The following MGAT4C variants were observed in gnomAD, a reference collection of about 807,000 sequenced individuals.
MGAT4C encodes the protein MGAT4 family member C.
Under a neutral mutation model 40.1 loss-of-function variants are expected in MGAT4C, and 19 were observed. The observed-to-expected ratio is 0.47, with a 90% CI of 0.33 to 0.70. The LOEUF is 0.70. MGAT4C is among the 30% of genes least tolerant of loss of function. MGAT4C has a pLI of 0.02. For missense variants in MGAT4C, 491 were observed against 563.2 expected, an observed-to-expected ratio of 0.87 and a Z score of 1.30; for synonymous variants, 181 against 187.1, an observed-to-expected ratio of 0.97 and a Z score of 0.27.
At chr12:85,989,607 T>G in intron 2 of MGAT4C, 55 bp from the exon 3 acceptor site, 1 of 1,467,874 alleles carries the variant, frequency 6.8e-7, no homozygotes, top group Non-Finnish European at 9.2e-7. Flanking sequence ...CAAATATTTC[T>G]TTATCGCATA....
At chr12:86,509,439 T>C (rs1958532855) in intron 2 of MGAT4C, among the ~76,000 whole-genome samples, 1 of 152,214 alleles carries the variant, frequency 6.6e-6, no homozygotes, top group African/African-American at 2.4e-5. Context: ...TTGGTACCAG[T>C]ACCATGCTGT....
chr12:86,128,399 C>T (rs985887307), intron 1 of MGAT4C, among the ~76,000 whole-genome samples: 5 of 152,136 alleles, frequency 3.3e-5, no homozygotes, highest in African/African-American at 1.2e-4. Context: ...ATAAATCACA[C>T]GAGATCTGAT....
chr12:86,436,857 G>C (rs550213843), intron 2 of MGAT4C, among the ~76,000 whole-genome samples: 1 of 151,776 alleles, frequency 6.6e-6, no homozygotes, highest in South Asian at 2.1e-4. Context: ...TGCAAATACA[G>C]TTCAAAAAGA....
At chr12:86,580,677 A>C (rs1320499989) in intron 2 of MGAT4C, among the ~76,000 whole-genome samples, 1 of 151,446 alleles carries the variant, frequency 6.6e-6, no homozygotes, top group Non-Finnish European at 1.5e-5. Flanking sequence ...GCATCTTTTA[A>C]TGTAAAATGT....
intron 1 of MGAT4C, among the ~76,000 whole-genome samples, chr12:86,825,649 T>G (rs1297917994): frequency 4.0e-5 from 6 of 151,428 alleles, no homozygotes; most frequent in Non-Finnish European, 7.4e-5. Flanking sequence ...ATATTTAATT[T>G]TACTTATCTA....
chr12:86,724,548 CTAATAA>C (rs1329651210), intron 2 of MGAT4C, among the ~76,000 whole-genome samples: 7 of 152,080 alleles, frequency 4.6e-5, no homozygotes, highest in African/African-American at 1.7e-4. Flanking sequence ...TATTTTTTCA[CTAATAA>C]TAACTATTAA....
intron 2 of MGAT4C, among the ~76,000 whole-genome samples, chr12:86,497,506 C>A (rs898080367): frequency 1.3e-5 from 2 of 151,798 alleles, no homozygotes; most frequent in Non-Finnish European, 2.9e-5. Context: ...TTCCTCTTTA[C>A]CAGAAATGGA....
chr12:85,960,129 G>A lies in MGAT4C; in HGVS notation c.*19160C>T, dbSNP rs1264304679. The A allele has an allele frequency of 6.6e-6, 1 of 151,806 alleles. No homozygotes were observed. Among genetic ancestry groups the A allele is most frequent in the Admixed American group, 6.6e-5 (1 of 15,200 alleles). 9.4% of individuals were successfully genotyped at this position (151,806 alleles called of 1,614,324 possible). ...CAGTAATTTTATTTTTCGGTCTATG[G>A]TGCCCACATTGTGTCACCAGCCAGC... is the stretch of plus-strand genomic sequence containing the variant. On this transcript the variant is annotated 3_prime_UTR_variant, in exon 5 of 5. Coordinates refer to ENST00000611864, the MANE Select transcript of MGAT4C (RefSeq NM_001351288.2).
intron 1 of MGAT4C, among the ~76,000 whole-genome samples, chr12:86,136,386 A>T (rs1593038860): frequency 6.6e-6 from 1 of 152,328 alleles, no homozygotes; most frequent in South Asian, 2.1e-4. Context: ...AAGAAAAAAG[A>T]AAGCATGGAG....
In MGAT4C at chr12:86,708,432, G is replaced by A. The variant is rs186108244; in HGVS notation, c.-229+18777C>T. Among the ~76,000 whole-genome samples the A allele has an allele frequency of 3.3e-3, 497 of 152,310 alleles. 10 individuals are homozygous for A. Among genetic ancestry groups the A allele is most frequent in the Non-Finnish European group, 6.6e-4 (45 of 68,032 alleles). ...GGCCCTCATGGAGAATGCCTGCTGG[G>A]CAGTGCAGAAGGGAAATGTGGGGTT... On this transcript the variant is annotated intron_variant, in intron 2 of 7. Coordinates refer to the MGAT4C transcript ENST00000548651.
intron 3 of MGAT4C, among the ~76,000 whole-genome samples, chr12:86,399,468 A>C (rs1592791777): frequency 6.6e-6 from 1 of 150,772 alleles, no homozygotes; most frequent in Non-Finnish European, 1.5e-5. Context: ...TTTTTAGTAG[A>C]AACGGGGTTT....
chr12:86,637,046 A>T (rs1357769241), intron 2 of MGAT4C, among the ~76,000 whole-genome samples: 3 of 151,900 alleles, frequency 2.0e-5, no homozygotes, highest in African/African-American at 7.2e-5. Flanking sequence ...AGGATTATAC[A>T]TCACCTTTAG....
chr12:86,447,224 C>G (rs927048917), intron 2 of MGAT4C, among the ~76,000 whole-genome samples: 1 of 152,116 alleles, frequency 6.6e-6, no homozygotes, highest in African/African-American at 2.4e-5. Flanking sequence ...CTCCCAGGTT[C>G]CAGCAATTCT....
intron 1 of MGAT4C, among the ~76,000 whole-genome samples, chr12:86,219,245 C>A (rs1193919900): frequency 2.0e-5 from 3 of 152,100 alleles, no homozygotes; most frequent in African/African-American, 4.8e-5. Flanking sequence ...TCATGGAGAA[C>A]CTTAATGGCT....
chr12:86,185,371 T>A (rs1041772504), intron 1 of MGAT4C, among the ~76,000 whole-genome samples: 11 of 152,170 alleles, frequency 7.2e-5, no homozygotes, highest in African/African-American at 2.4e-4. Context: ...TGTAGGCAAT[T>A]CCCAAAGTTT....
chr12:86,062,550 C>T (rs1348929039), intron 1 of MGAT4C, among the ~76,000 whole-genome samples: 2 of 151,912 alleles, frequency 1.3e-5, no homozygotes, highest in African/African-American at 2.4e-5. Context: ...CAGAAGTAGG[C>T]TTCAGAAGAT....
intron 2 of MGAT4C, among the ~76,000 whole-genome samples, chr12:86,553,564 T>G (rs1959465521): frequency 6.6e-6 from 1 of 152,120 alleles, no homozygotes; most frequent in Non-Finnish European, 1.5e-5. Flanking sequence ...TAGAAACTTG[T>G]TCTATAATCG....
chr12:86,140,646 A>G (rs1225634569), intron 1 of MGAT4C, among the ~76,000 whole-genome samples: 1 of 152,144 alleles, frequency 6.6e-6, no homozygotes, highest in Non-Finnish European at 1.5e-5. Context: ...GAGAACTTAA[A>G]GTATAATAAA....
intron 1 of MGAT4C, among the ~76,000 whole-genome samples, chr12:86,071,907 G>T (rs1470431106): frequency 6.6e-6 from 1 of 151,834 alleles, no homozygotes; most frequent in African/African-American, 2.4e-5. Flanking sequence ...TCAATGTTTT[G>T]GTCACCAATT....
Sources: allele counts gnomAD v4.1 joint callset (sites outside exome capture counted in the v4.1 genomes callset), GRCh38; gene constraint gnomAD v4.1.1; transcripts MANE v1.5; gene names NCBI Gene and HGNC (gene_info 2026-07-23, HGNC 2026-07-21).